Variants in RUNDC3B observed in about 807,000 individuals in gnomAD.
RUNDC3B encodes the protein RUN domain containing 3B.
A neutral mutation model predicts 58.4 loss-of-function variants in RUNDC3B; 33 were observed. That is an observed-to-expected ratio of 0.56 (90% CI 0.43 to 0.75). RUNDC3B has a LOEUF of 0.75. Ranked by LOEUF, RUNDC3B falls within the 30% of genes least tolerant of loss-of-function variation. The pLI, the probability that RUNDC3B is intolerant of heterozygous loss-of-function variation, is 0.00. For synonymous variants in RUNDC3B, 193 were observed against 195.2 expected (o/e 0.99, Z 0.10); for missense variants, 501 against 535.7 (o/e 0.94, Z 0.64).
At chr7:87,632,486 C>T (rs975868937) in intron 1 of RUNDC3B, among the ~76,000 whole-genome samples, 1 of 152,066 alleles carries the variant, frequency 6.6e-6, no homozygotes, top group Non-Finnish European at 1.5e-5. Flanking sequence ...ATATTTTTCA[C>T]AGATTTTGGT....
intron 6 of RUNDC3B, among the ~76,000 whole-genome samples, chr7:87,752,671 T>A (rs1307283085): frequency 6.6e-6 from 1 of 152,218 alleles, no homozygotes; most frequent in Non-Finnish European, 1.5e-5. Flanking sequence ...ATAGAGGTGT[T>A]TGTAGTATTC....
Position 87,802,426 on chromosome 7 carries a change from A to AT in RUNDC3B, c.957-4946dup, listed in dbSNP as rs1277315049. On this transcript the variant is annotated intron_variant, in intron 8 of 10. Coordinates refer to ENST00000394654, the MANE Select transcript of RUNDC3B (RefSeq NM_001134405.2). Reference sequence around the variant, plus strand: ...TAAAAGATAAATTAAAAATAATCATATGAGTCTTATGAGGGAGGGAAAGTG... The same window carrying AT: ...TAAAAGATAAATTAAAAATAATCATATTGAGTCTTATGAGGGAGGGAAAGTG... Among the ~76,000 whole-genome samples, 22 of 152,300 alleles carry AT rather than the reference A, an allele frequency of 1.4e-4. 1 individual carries two copies. The East Asian group carries it at 4.0e-3, about 28-fold the overall frequency.
At chr7:87,711,677 T>C (rs902417984) in intron 4 of RUNDC3B, among the ~76,000 whole-genome samples, 19 of 152,144 alleles carry the variant, frequency 1.2e-4, no homozygotes, top group African/African-American at 4.6e-4. Context: ...TAAATTTAAA[T>C]TAATTAATAT....
chr7:87,784,325 A>G (rs1481200564), intron 8 of RUNDC3B, among the ~76,000 whole-genome samples: 2 of 151,988 alleles, frequency 1.3e-5, no homozygotes, highest in African/African-American at 4.8e-5. Flanking sequence ...TGCTAATTTT[A>G]TCTCATCTGA....
At position 87,691,554 on chromosome 7, in the gene RUNDC3B, C is replaced by G. The variant is rs1563137392; in HGVS notation, c.239-8867C>G. On this transcript the variant is annotated intron_variant, in intron 2 of 10. Coordinates refer to ENST00000394654, the MANE Select transcript of RUNDC3B (RefSeq NM_001134405.2). ...ATTTTATAACAAAAGGTTTTGTTTC[C>G]ATCTCAAATAAGAACCCCTTCTACA... Among the ~76,000 whole-genome samples, 3 of 152,056 alleles carry G rather than the reference C, an allele frequency of 2.0e-5. No homozygotes were observed. The South Asian group carries it at 6.2e-4, about 32-fold the overall frequency.
intron 6 of RUNDC3B, among the ~76,000 whole-genome samples, chr7:87,752,079 C>T (rs866349298): frequency 2.0e-5 from 3 of 152,246 alleles, no homozygotes; most frequent in Admixed American, 6.5e-5. Flanking sequence ...GAGTTTTTAG[C>T]ATGAAGCGTT....
intron 1 of RUNDC3B, among the ~76,000 whole-genome samples, chr7:87,638,833 C>T (rs542322451): frequency 4.6e-5 from 7 of 152,196 alleles, no homozygotes; most frequent in Non-Finnish European, 1.0e-4. Flanking sequence ...TGTTAATTTT[C>T]TCTGTCGACT....
chr7:87,826,787 A>G (rs576169331), intron 10 of RUNDC3B, among the ~76,000 whole-genome samples: 2 of 152,312 alleles, frequency 1.3e-5, no homozygotes, highest in South Asian at 2.1e-4. Flanking sequence ...GTAATCACCT[A>G]CAAGACAAAT....
At chr7:87,647,697 C>T (rs1434074253) in intron 1 of RUNDC3B, among the ~76,000 whole-genome samples, 2 of 152,102 alleles carry the variant, frequency 1.3e-5, no homozygotes, top group African/African-American at 4.8e-5. Flanking sequence ...TGAGTAGTTG[C>T]ATAAAATACA....
chr7:87,809,883 C>T (rs1194027007), intron 9 of RUNDC3B, among the ~76,000 whole-genome samples: 2 of 152,176 alleles, frequency 1.3e-5, no homozygotes, highest in African/African-American at 4.8e-5. Context: ...CTTGAACTAC[C>T]TGATCACTGG....
rs549016361 is a variant in RUNDC3B, at chr7:87,827,602, T to TA, written c.1226-2275dup. On this transcript the variant is annotated intron_variant, in intron 10 of 10. Transcript: ENST00000394654. ...TACAAGGAAAGATATGTTTTAATGC[T>TA]AAAAAAAATTAAGATATAACAGGAT... Among the ~76,000 whole-genome samples, 6 of 151,966 alleles carry TA rather than the reference T, an allele frequency of 3.9e-5. 1 individual carries two copies. The highest frequency in any genetic ancestry group is 7.2e-5 in the African/African-American group (3 of 41,450).
At position 87,821,527 on chromosome 7, in the gene RUNDC3B, T is replaced by C. The variant is rs577890503; in HGVS notation, c.1225+5265T>C. On this transcript the variant is annotated intron_variant, in intron 10 of 10. Coordinates refer to ENST00000394654, the MANE Select transcript of RUNDC3B (RefSeq NM_001134405.2). ...GCTACCAATGACTTTCTTCACAGAA[T>C]TGGAAAAAACTACTTTAAAGTTCAT... Among the ~76,000 whole-genome samples, 3 of 152,234 alleles carry C rather than the reference T, an allele frequency of 2.0e-5. No individual in the cohort carries two copies. The East Asian group carries it at 5.8e-4, about 29-fold the overall frequency.
intron 1 of RUNDC3B, among the ~76,000 whole-genome samples, chr7:87,631,597 A>G (rs991133226): frequency 6.6e-6 from 1 of 152,120 alleles, no homozygotes; most frequent in African/African-American, 2.4e-5. Flanking sequence ...GTTTCACCGT[A>G]TTAGCCAGGA....
intron 10 of RUNDC3B, among the ~76,000 whole-genome samples, chr7:87,825,672 CCAGCCTGTGAAG>C (rs1170744618): frequency 2.0e-5 from 3 of 152,192 alleles, no homozygotes; most frequent in African/African-American, 7.2e-5. Context: ...ACACTTAGCA[CCAGCCTGTGAAG>C]GCAGCCGGAA....
intron 7 of RUNDC3B, among the ~76,000 whole-genome samples, chr7:87,772,455 T>A (rs1024263765): frequency 6.6e-6 from 1 of 152,172 alleles, no homozygotes; most frequent in African/African-American, 2.4e-5. Flanking sequence ...AGAACATAGA[T>A]AATAGTTAAA....
chr7:87,754,487 A>G (rs75554059), intron 6 of RUNDC3B, among the ~76,000 whole-genome samples: 3 of 152,226 alleles, frequency 2.0e-5, no homozygotes, highest in Non-Finnish European at 2.9e-5. Flanking sequence ...ATGAAAATGT[A>G]GGAAAGATCT....
chr7:87,816,956 C>T (rs1409527087), intron 10 of RUNDC3B, among the ~76,000 whole-genome samples: 2 of 152,320 alleles, frequency 1.3e-5, no homozygotes, highest in East Asian at 3.9e-4. Flanking sequence ...TACTCCAGCA[C>T]TTTGGATGGC....
intron 2 of RUNDC3B, among the ~76,000 whole-genome samples, chr7:87,675,653 C>CAAAAAAAAAAAAAAAAAAAAA (rs200136132): frequency 3.0e-5 from 2 of 65,840 alleles, no homozygotes; most frequent in Middle Eastern, 7.7e-3. Flanking sequence ...TATTCACATG[C>CAAAAAAAAAAAAAAAAAAAAA]AAAAAAAAAA....
chr7:87,673,600 G>A (rs1007679962), intron 2 of RUNDC3B, among the ~76,000 whole-genome samples: 6 of 152,032 alleles, frequency 3.9e-5, no homozygotes, highest in Non-Finnish European at 5.9e-5. Context: ...TCGATATTTC[G>A]GCTTCTGTAT....
Sources: allele counts gnomAD v4.1 joint callset (sites outside exome capture counted in the v4.1 genomes callset), GRCh38; gene constraint gnomAD v4.1.1; transcripts MANE v1.5; gene names NCBI Gene and HGNC (gene_info 2026-07-23, HGNC 2026-07-21).